AGBL4: variants seen among roughly 807,000 people sequenced by gnomAD.
AGBL4 encodes the protein cytosolic carboxypeptidase 6.
AGBL4 carries 58 observed loss-of-function variants against 66.4 expected under a neutral mutation model. That is an observed-to-expected ratio of 0.87 (90% CI 0.71 to 1.09). AGBL4 has a LOEUF of 1.09. AGBL4 is among the 50% of genes least tolerant of loss of function. The pLI, the probability that AGBL4 is intolerant of heterozygous loss-of-function variation, is 0.00. For missense variants in AGBL4, 579 were observed against 631.0 expected (o/e 0.92, Z 0.88); for synonymous variants, 234 against 222.9 (o/e 1.05, Z -0.44).
chr1:49,698,734 C>CT (rs1422918178), intron 2 of AGBL4, among the ~76,000 whole-genome samples: 1 of 151,936 alleles, frequency 6.6e-6, no homozygotes, highest in Non-Finnish European at 1.5e-5. Flanking sequence ...TGAAAAGGTA[C>CT]TTTTTTCCCT....
At chr1:48,762,104 T>C (rs1304693567) in intron 6 of AGBL4, among the ~76,000 whole-genome samples, 1 of 152,210 alleles carries the variant, frequency 6.6e-6, no homozygotes, top group African/African-American at 2.4e-5. Context: ...TCGCTCATGT[T>C]ACATGAGGAA....
intron 1 of AGBL4, among the ~76,000 whole-genome samples, chr1:49,916,160 T>A (rs1651460229): frequency 6.6e-6 from 1 of 152,038 alleles, no homozygotes; most frequent in Non-Finnish European, 1.5e-5. Context: ...AGCTGAAAAT[T>A]CTAAAAATCT....
At chr1:49,474,865 C>A (rs1646816052) in intron 3 of AGBL4, among the ~76,000 whole-genome samples, 1 of 151,802 alleles carries the variant, frequency 6.6e-6, no homozygotes. Flanking sequence ...TAGGAGCCAC[C>A]CCAAGTACAT....
intron 11 of AGBL4, among the ~76,000 whole-genome samples, chr1:48,540,747 C>T (rs1465208705): frequency 1.3e-5 from 2 of 152,144 alleles, no homozygotes; most frequent in Non-Finnish European, 2.9e-5. Flanking sequence ...CTGTCACTAA[C>T]CCTTCTCCAA....
intron 1 of AGBL4, among the ~76,000 whole-genome samples, chr1:49,893,695 C>T (rs1031521011): frequency 1.3e-5 from 2 of 152,212 alleles, no homozygotes; most frequent in Admixed American, 6.5e-5. Context: ...AGAGCCAGCT[C>T]AGCCTCAGTA....
chr1:49,516,538 T>A (rs1570931022), intron 3 of AGBL4, among the ~76,000 whole-genome samples: 1 of 151,918 alleles, frequency 6.6e-6, no homozygotes, highest in East Asian at 1.9e-4. Context: ...AGAGGCAAGG[T>A]GGGGAAAAGG....
At chr1:49,493,182 G>A (rs1647246123) in intron 3 of AGBL4, among the ~76,000 whole-genome samples, 1 of 151,912 alleles carries the variant, frequency 6.6e-6, no homozygotes, top group Admixed American at 6.6e-5. Flanking sequence ...TGGGGACACA[G>A]GCAAACAATA....
Position 49,235,996 on chromosome 1 carries a change from G to GGATT in AGBL4, c.377+9770_377+9773dup, listed in dbSNP as rs1274515681. 3.9e-5 allele frequency among the ~76,000 whole-genome samples: 5 copies of GGATT among 129,236 alleles called. No homozygotes were observed. In the East Asian group the frequency reaches 1.2e-3, roughly 30 times the overall value. 84.8% of individuals were successfully genotyped at this position (129,236 alleles called of 152,430 possible). On this transcript the variant is annotated intron_variant, in intron 4 of 13. Coordinates refer to ENST00000371839, the MANE Select transcript of AGBL4 (RefSeq NM_032785.4). ...CTCAGGTCAAATTATTCATTTTGAA[G>GGATT]GATTTATTTATTTATTTATTTATTT...
intron 2 of AGBL4, among the ~76,000 whole-genome samples, chr1:49,731,268 G>C (rs144141822): frequency 6.6e-6 from 1 of 152,012 alleles, no homozygotes; most frequent in East Asian, 1.9e-4. Context: ...AAATAGTTCT[G>C]TATTATTAGC....
chr1:49,670,763 A>T (rs1273554616), intron 3 of AGBL4, among the ~76,000 whole-genome samples: 1 of 152,172 alleles, frequency 6.6e-6, no homozygotes, highest in Non-Finnish European at 1.5e-5. Context: ...CAGACACAAA[A>T]GAAGTGACTT....
At chr1:49,285,137 A>G (rs1217379681) in intron 3 of AGBL4, among the ~76,000 whole-genome samples, 3 of 152,210 alleles carry the variant, frequency 2.0e-5, no homozygotes, top group Non-Finnish European at 4.4e-5. Context: ...TCTCCTCAGC[A>G]AATGTAAAAG....
chr1:49,051,853 A>G (rs1644221266), intron 4 of AGBL4, among the ~76,000 whole-genome samples: 1 of 152,278 alleles, frequency 6.6e-6, no homozygotes, highest in South Asian at 2.1e-4. Flanking sequence ...AGGGAGAAAG[A>G]GTAAGAGAGT....
chr1:49,460,635 C>T (rs892813311), intron 3 of AGBL4, among the ~76,000 whole-genome samples: 1 of 151,622 alleles, frequency 6.6e-6, no homozygotes, highest in African/African-American at 2.4e-5. Context: ...ATTCATCATG[C>T]TATTTGTTGC....
intron 3 of AGBL4, among the ~76,000 whole-genome samples, chr1:49,427,989 T>C (rs1645703088): frequency 6.6e-6 from 1 of 152,116 alleles, no homozygotes; most frequent in African/African-American, 2.4e-5. Context: ...CACAGAGTGC[T>C]GATTGGTGCG....
intron 9 of AGBL4, among the ~76,000 whole-genome samples, chr1:48,607,993 T>C (rs1184003952): frequency 1.3e-5 from 2 of 152,192 alleles, no homozygotes; most frequent in African/African-American, 4.8e-5. Context: ...ACAAAGCTTC[T>C]AAGTGGCAGA....
intron 2 of AGBL4, among the ~76,000 whole-genome samples, chr1:49,814,178 T>C (rs1223892547): frequency 6.6e-6 from 1 of 152,156 alleles, no homozygotes; most frequent in Non-Finnish European, 1.5e-5. Context: ...GTATTAATTG[T>C]GTAGCCAGCA....
At chr1:49,481,063 C>T (rs1432254928) in intron 3 of AGBL4, among the ~76,000 whole-genome samples, 2 of 151,892 alleles carry the variant, frequency 1.3e-5, no homozygotes, top group African/African-American at 2.4e-5. Context: ...AGGCAGGTAG[C>T]GTGATGCCTC....
intron 2 of AGBL4, among the ~76,000 whole-genome samples, chr1:49,824,849 A>T (rs1353907658): frequency 6.6e-6 from 1 of 152,238 alleles, no homozygotes; most frequent in Non-Finnish European, 1.5e-5. Context: ...AAATGCTATC[A>T]TAAGATGCGT....
chr1:49,297,042 AG>A (rs1029886690), intron 3 of AGBL4, among the ~76,000 whole-genome samples: 1 of 152,232 alleles, frequency 6.6e-6, no homozygotes, highest in African/African-American at 2.4e-5. Context: ...CAAGGCCAAA[AG>A]CATTCCAAAA....
Sources: gnomAD v4.1 joint callset for allele counts (sites outside exome capture counted in the v4.1 genomes callset) on GRCh38, gnomAD v4.1.1 for gene constraint, MANE v1.5 for transcripts, NCBI Gene and HGNC (gene_info 2026-07-23, HGNC 2026-07-21) for gene names.